CNTNAP5: variants seen among roughly 807,000 people sequenced by gnomAD.
CNTNAP5 encodes the protein contactin associated protein family member 5.
In CNTNAP5, 72 loss-of-function variants were observed where a neutral mutation model predicts 150.2. The observed-to-expected ratio is 0.48, with a 90% CI of 0.40 to 0.58. CNTNAP5 has a LOEUF of 0.58. Ranked by LOEUF, CNTNAP5 falls within the 20% of genes least tolerant of loss-of-function variation. The pLI is 0.00. For missense variants in CNTNAP5, 1,636 were observed against 1,626.2 expected, an observed-to-expected ratio of 1.01 and a Z score of -0.10; for synonymous variants, 672 against 619.8, an observed-to-expected ratio of 1.08 and a Z score of -1.25.
At chr2:124,792,066 G>A (rs776801292) in intron 18 of CNTNAP5, among the ~76,000 whole-genome samples, 4 of 152,138 alleles carry the variant, frequency 2.6e-5, no homozygotes, top group Non-Finnish European at 5.9e-5. Context: ...ACAGAGGGTG[G>A]TCTGTTTGGT....
chr2:124,523,962 GTTT>G (rs11351266), intron 8 of CNTNAP5, among the ~76,000 whole-genome samples: 1 of 144,352 alleles, frequency 6.9e-6, no homozygotes, highest in Non-Finnish European at 1.5e-5. Context: ...GTTTATTTTT[GTTT>G]TTTTTTTTTC....
intron 2 of CNTNAP5, among the ~76,000 whole-genome samples, chr2:124,227,843 A>T (rs1413020526): frequency 6.6e-6 from 1 of 151,984 alleles, no homozygotes; most frequent in Non-Finnish European, 1.5e-5. Context: ...TAATGTATGT[A>T]TTAGTCAAGA....
rs1429978233 is a variant in CNTNAP5, at chr2:124,211,186, T to C, written c.83-10519T>C. ...ATGATAAAGAAAGTGCTAAAAACCG[T>C]GTGGATGGAAATATGTAGTAGATAG... On this transcript the variant is annotated intron_variant, in intron 1 of 23. Coordinates refer to ENST00000682447, the MANE Select transcript of CNTNAP5 (RefSeq NM_001367498.1). Among the ~76,000 whole-genome samples, 10 of 152,288 alleles carry C rather than the reference T, an allele frequency of 6.6e-5. No individual in the cohort carries two copies. In the South Asian group the frequency reaches 2.1e-3, roughly 32 times the overall value.
intron 2 of CNTNAP5, among the ~76,000 whole-genome samples, chr2:124,231,518 G>T (rs1378997103): frequency 1.3e-5 from 2 of 152,078 alleles, no homozygotes; most frequent in Non-Finnish European, 2.9e-5. Context: ...AGATGCTCTT[G>T]ACATAATTAG....
At chr2:124,314,672 A>G (rs1020437839) in intron 3 of CNTNAP5, among the ~76,000 whole-genome samples, 1 of 152,202 alleles carries the variant, frequency 6.6e-6, no homozygotes, top group African/African-American at 2.4e-5. Context: ...TATATGAAAA[A>G]GAAAATAAAA....
chr2:124,494,277 G>T (rs1215861042), intron 7 of CNTNAP5, among the ~76,000 whole-genome samples: 1 of 152,138 alleles, frequency 6.6e-6, no homozygotes, highest in Non-Finnish European at 1.5e-5. Context: ...GAGGCCAAAG[G>T]CCTGAGAACC....
chr2:124,560,959 C>T (rs1273043484), intron 10 of CNTNAP5, among the ~76,000 whole-genome samples: 2 of 151,284 alleles, frequency 1.3e-5, no homozygotes, highest in African/African-American at 4.9e-5. Flanking sequence ...TTTCTTGGGG[C>T]CCAAAACAAC....
intron 12 of CNTNAP5, among the ~76,000 whole-genome samples, chr2:124,647,077 A>G (rs1678217977): frequency 6.6e-6 from 1 of 152,150 alleles, no homozygotes; most frequent in African/African-American, 2.4e-5. Flanking sequence ...ATGCCCAAAT[A>G]TCTCCCCTCT....
chr2:124,052,670 C>G (rs1681730441), intron 1 of CNTNAP5, among the ~76,000 whole-genome samples: 1 of 152,188 alleles, frequency 6.6e-6, no homozygotes, highest in African/African-American at 2.4e-5. Flanking sequence ...CATCTTCCCC[C>G]TGAGTTCAGA....
chr2:124,053,960 C>T (rs989655069), intron 1 of CNTNAP5, among the ~76,000 whole-genome samples: 16 of 152,092 alleles, frequency 1.1e-4, no homozygotes, highest in Admixed American at 1.0e-3. Flanking sequence ...GGCCTTGGAA[C>T]CCATGCTGAG....
intron 16 of CNTNAP5, 146 bp downstream of exon 16, chr2:124,764,293 C>T (rs972483655): frequency 4.8e-6 from 3 of 628,372 alleles, no homozygotes; most frequent in Non-Finnish European, 8.4e-6. Context: ...ATGTCTAGTT[C>T]CTTCTGATGC....
chr2:124,480,529 C>T (rs1311490364), intron 7 of CNTNAP5, among the ~76,000 whole-genome samples: 4 of 152,222 alleles, frequency 2.6e-5, no homozygotes, highest in African/African-American at 7.2e-5. Flanking sequence ...ACACATATAA[C>T]ATACACACAC....
intron 7 of CNTNAP5, among the ~76,000 whole-genome samples, chr2:124,485,133 G>T (rs900999715): frequency 2.0e-5 from 3 of 152,080 alleles, no homozygotes; most frequent in Non-Finnish European, 4.4e-5. Flanking sequence ...TTATATAAAA[G>T]TGGCTTTCTA....
chr2:124,164,710 A>G (rs2104654184), intron 1 of CNTNAP5, among the ~76,000 whole-genome samples: 1 of 152,300 alleles, frequency 6.6e-6, no homozygotes, highest in East Asian at 1.9e-4. Context: ...CAGATTACAC[A>G]GGGCCACGTA....
chr2:124,760,169 CTT>C (rs1414568452), intron 14 of CNTNAP5, among the ~76,000 whole-genome samples: 1 of 151,780 alleles, frequency 6.6e-6, no homozygotes, highest in Non-Finnish European at 1.5e-5. Flanking sequence ...TGTGGGGTCT[CTT>C]GAGGTTGATC....
At chr2:124,027,325 T>C (rs1039597649) in intron 1 of CNTNAP5, among the ~76,000 whole-genome samples, 2 of 152,220 alleles carry the variant, frequency 1.3e-5, no homozygotes, top group Non-Finnish European at 2.9e-5. Context: ...TAGAGGTCAG[T>C]ATTGTCCTAA....
At chr2:124,552,858 C>T (rs898051640) in intron 10 of CNTNAP5, among the ~76,000 whole-genome samples, 3 of 152,174 alleles carry the variant, frequency 2.0e-5, no homozygotes, top group Non-Finnish European at 4.4e-5. Context: ...AATCTCTTTA[C>T]GTACAGACGT....
At chr2:124,897,321 A>G (rs1001716003) in intron 21 of CNTNAP5, among the ~76,000 whole-genome samples, 1 of 151,520 alleles carries the variant, frequency 6.6e-6, no homozygotes, top group African/African-American at 2.4e-5. Flanking sequence ...TATAAGATTT[A>G]TTGCCTGAAA....
chr2:124,131,099 G>A (rs1683832622), intron 1 of CNTNAP5, among the ~76,000 whole-genome samples: 1 of 152,178 alleles, frequency 6.6e-6, no homozygotes, highest in Non-Finnish European at 1.5e-5. Context: ...GTGAATAGCT[G>A]TGTTTTAGTT....
Sources: gnomAD v4.1 joint callset for allele counts (sites outside exome capture counted in the v4.1 genomes callset) on GRCh38, gnomAD v4.1.1 for gene constraint, MANE v1.5 for transcripts, NCBI Gene and HGNC (gene_info 2026-07-23, HGNC 2026-07-21) for gene names.